The following DSCAM variants were observed in gnomAD, a reference collection of about 807,000 sequenced individuals.
DSCAM encodes DS cell adhesion molecule.
Under a neutral mutation model 217.7 loss-of-function variants are expected in DSCAM, and 47 were observed. That is an observed-to-expected ratio of 0.22 (90% CI 0.17 to 0.28). The LOEUF is 0.28. Among genes scored for constraint, DSCAM ranks in the 10% least tolerant of loss-of-function variants. The pLI, the probability that DSCAM is intolerant of heterozygous loss-of-function variation, is 1.00. For missense variants in DSCAM, 2,080 were observed against 2,618.3 expected (o/e 0.79, Z 4.49); for synonymous variants, 1,056 against 1,015.3 (o/e 1.04, Z -0.76).
In DSCAM at chr21:40,215,047, G is replaced by A. The variant is rs1414686848; in HGVS notation, c.2357-25809C>T. Among the ~76,000 whole-genome samples the A allele has an allele frequency of 7.1e-4, 28 of 39,278 alleles. 11 individuals carry two copies. Among genetic ancestry groups the A allele is most frequent in the Non-Finnish European group, 1.6e-3 (26 of 16,332 alleles). 25.8% of individuals were successfully genotyped at this position (39,278 alleles called of 152,430 possible). On this transcript the variant is annotated intron_variant, in intron 11 of 32. Transcript: ENST00000400454. ...ATCCTGGCTAACAAGGTGAAACCCC[G>A]TCTCTACTAAAAGTACAAAAAATTA...
chr21:40,028,237 G>A lies in DSCAM; in HGVS notation c.5686+14134C>T, dbSNP rs1005090621. Among the ~76,000 whole-genome samples, 456 of 111,908 alleles carry A rather than the reference G, an allele frequency of 4.1e-3. 13 individuals are homozygous for A. Among genetic ancestry groups the A allele is most frequent in the African/African-American group, 0.014 (408 of 28,358 alleles). The allele number at this position is 111,908 out of a possible 152,430, so 73.4% of individuals were successfully genotyped here. ...CTGCCCTTCTCAGATGTCCAGCTGC[G>A]TACTGGGAGGACCACTGCTCTCTTC... On this transcript the variant is annotated intron_variant, in intron 32 of 32. Transcript: ENST00000400454.
chr21:40,183,836 A>C (rs2090865253), intron 14 of DSCAM, among the ~76,000 whole-genome samples: 1 of 152,230 alleles, frequency 6.6e-6, no homozygotes, highest in Non-Finnish European at 1.5e-5. Context: ...TTTGAAAATT[A>C]ATGAAAAGGA....
At chr21:40,681,558 G>A (rs1450837220) in intron 3 of DSCAM, among the ~76,000 whole-genome samples, 1 of 151,786 alleles carries the variant, frequency 6.6e-6, no homozygotes. Context: ...TCCAGCAGGA[G>A]ATGGAAAGAT....
chr21:40,060,571 G>A (rs941367939), intron 28 of DSCAM, among the ~76,000 whole-genome samples: 1 of 151,358 alleles, frequency 6.6e-6, no homozygotes, highest in African/African-American at 2.4e-5. Context: ...CAGGCCCGGG[G>A]TGGGGTAGGG....
intron 30 of DSCAM, among the ~76,000 whole-genome samples, chr21:40,049,309 T>G (rs1056532047): frequency 2.0e-5 from 3 of 152,174 alleles, no homozygotes; most frequent in Non-Finnish European, 4.4e-5. Flanking sequence ...CCTTTCACTG[T>G]GCTCCAGTGC....
intron 24 of DSCAM, among the ~76,000 whole-genome samples, chr21:40,083,034 C>T (rs1322814982): frequency 1.3e-5 from 2 of 152,212 alleles, no homozygotes; most frequent in Non-Finnish European, 2.9e-5. Flanking sequence ...TCTCCCCGGC[C>T]CTGGGACCTC....
intron 1 of DSCAM, among the ~76,000 whole-genome samples, chr21:40,780,447 A>ATATATCTC (rs1308722522): frequency 7.1e-6 from 1 of 141,558 alleles, no homozygotes; most frequent in Non-Finnish European, 1.5e-5. Flanking sequence ...ATATATATAT[A>ATATATCTC]TCTCCTGTTA....
chr21:40,666,328 G>A (rs1568972327), intron 3 of DSCAM, among the ~76,000 whole-genome samples: 1 of 152,110 alleles, frequency 6.6e-6, no homozygotes, highest in African/African-American at 2.4e-5. Flanking sequence ...ACAACCCTAT[G>A]AGCAGAGTAG....
At chr21:40,317,309 A>G (rs1303183492) in intron 8 of DSCAM, among the ~76,000 whole-genome samples, 2 of 152,202 alleles carry the variant, frequency 1.3e-5, no homozygotes, top group East Asian at 3.8e-4. Context: ...AGTTCTCCAC[A>G]ATGTACATAC....
At chr21:40,777,587 T>C (rs1394435858) in intron 1 of DSCAM, among the ~76,000 whole-genome samples, 3 of 152,246 alleles carry the variant, frequency 2.0e-5, no homozygotes, top group Middle Eastern at 3.4e-3. Flanking sequence ...CATTAAGAAT[T>C]CCAGGAGATA....
chr21:40,534,427 AGGAAAT>A (rs1345016209), intron 3 of DSCAM, among the ~76,000 whole-genome samples: 1 of 152,210 alleles, frequency 6.6e-6, no homozygotes, highest in Non-Finnish European at 1.5e-5. Context: ...AGGGAAAAAT[AGGAAAT>A]TCGACTAGAA....
At chr21:40,708,323 C>A (rs1387611570) in intron 2 of DSCAM, 131 bp downstream of exon 2, 3 of 710,750 alleles carry the variant, frequency 4.2e-6, no homozygotes, top group Middle Eastern at 3.0e-4. Flanking sequence ...AAGTCATCAG[C>A]AAGGTCAGAA....
chr21:40,328,079 T>C (rs2074337150), intron 8 of DSCAM, among the ~76,000 whole-genome samples: 1 of 152,048 alleles, frequency 6.6e-6, no homozygotes, highest in Non-Finnish European at 1.5e-5. Flanking sequence ...TGAAGTGACC[T>C]ACAGAGTCAA....
intron 11 of DSCAM, among the ~76,000 whole-genome samples, chr21:40,238,928 T>C (rs2073112890): frequency 6.6e-6 from 1 of 152,182 alleles, no homozygotes. Flanking sequence ...TCTCTTTGCT[T>C]GAGAGGCAGC....
chr21:40,283,816 C>T (rs1183459939), intron 10 of DSCAM, among the ~76,000 whole-genome samples: 1 of 152,114 alleles, frequency 6.6e-6, no homozygotes. Context: ...GGTATAAATG[C>T]CTGCATGCAA....
chr21:40,326,581 G>A (rs187638942), intron 8 of DSCAM, among the ~76,000 whole-genome samples: 1 of 152,316 alleles, frequency 6.6e-6, no homozygotes, highest in East Asian at 1.9e-4. Context: ...GCTCTAGAGG[G>A]AATATTCGAA....
chr21:40,452,095 A>T (rs1363551523), intron 3 of DSCAM, among the ~76,000 whole-genome samples: 1 of 152,146 alleles, frequency 6.6e-6, no homozygotes, highest in East Asian at 1.9e-4. Context: ...ACACAAAATC[A>T]AGATGATTAA....
intron 8 of DSCAM, among the ~76,000 whole-genome samples, chr21:40,328,536 A>G (rs2074342002): frequency 6.6e-6 from 1 of 152,186 alleles, no homozygotes; most frequent in African/African-American, 2.4e-5. Flanking sequence ...CACTACTAGG[A>G]GAAAACATAG....
chr21:40,432,240 A>T (rs552049269), intron 3 of DSCAM, among the ~76,000 whole-genome samples: 4 of 150,794 alleles, frequency 2.7e-5, no homozygotes, highest in East Asian at 1.9e-4. Flanking sequence ...ATAAATAAAT[A>T]TCTTCTTCTT....
Sources: gnomAD v4.1 joint callset for allele counts (sites outside exome capture counted in the v4.1 genomes callset) on GRCh38, gnomAD v4.1.1 for gene constraint, MANE v1.5 for transcripts, NCBI Gene and HGNC (gene_info 2026-07-23, HGNC 2026-07-21) for gene names.